The following RAI1 variants were observed in gnomAD, a reference collection of about 807,000 sequenced individuals.
RAI1 encodes retinoic acid-induced protein 1.
A neutral mutation model predicts 123.8 loss-of-function variants in RAI1; 9 were observed. The observed-to-expected ratio is 0.07, with a 90% CI of 0.04 to 0.13. The LOEUF (loss-of-function observed/expected upper bound fraction) is 0.13, where lower values mean the gene tolerates loss of function less well. Ranked by LOEUF, RAI1 falls within the 10% of genes least tolerant of loss-of-function variation. RAI1 has a pLI of 1.00. For missense variants in RAI1, 2,256 were observed against 2,545.8 expected (o/e 0.89, Z 2.45); for synonymous variants, 1,231 against 1,127.3 (o/e 1.09, Z -1.84).
Position 17,799,269 on chromosome 17 carries a change from G to A in RAI1, c.5565+756G>A, listed in dbSNP as rs548678821. 3.3e-5 allele frequency among the ~76,000 whole-genome samples: 5 copies of A among 152,266 alleles called. No homozygotes were observed. The East Asian group carries it at 5.8e-4, about 18-fold the overall frequency. On this transcript the variant is annotated intron_variant, in intron 3 of 5. Coordinates refer to ENST00000353383, the MANE Select transcript of RAI1 (RefSeq NM_030665.4). This position sits in a 1 kb window ranked among gnomAD's most constrained non-coding sequence, Gnocchi z 4.5. ...TGAGGGTGCCCATGGAGGAGGGGTC[G>A]GGAGGGTTAAAAGGTGGGCACCTCT...
intron 1 of RAI1, among the ~76,000 whole-genome samples, chr17:17,704,020 C>T (rs1481873664): frequency 1.3e-5 from 2 of 152,302 alleles, no homozygotes; most frequent in East Asian, 1.9e-4. Flanking sequence ...CAGGGCAGCC[C>T]GGCTCCTCGG....
chr17:17,710,009 C>A (rs943132212), intron 1 of RAI1, among the ~76,000 whole-genome samples: 3 of 152,140 alleles, frequency 2.0e-5, no homozygotes, highest in Non-Finnish European at 4.4e-5. Context: ...CATGGGTGGT[C>A]AACCCTTGGA....
intron 2 of RAI1, among the ~76,000 whole-genome samples, chr17:17,779,965 C>G (rs928911783): frequency 2.0e-5 from 3 of 151,580 alleles, no homozygotes; most frequent in Admixed American, 6.6e-5. Context: ...TTAGTAGAGA[C>G]GGGGTTTCAC....
At chr17:17,807,703 C>T (rs1044347855) in intron 4 of RAI1, among the ~76,000 whole-genome samples, 3 of 152,234 alleles carry the variant, frequency 2.0e-5, no homozygotes, top group Non-Finnish European at 4.4e-5. Context: ...GAAGTGGCGA[C>T]CTCCTACCCT....
chr17:17,689,302 C>A (rs1914761393), intron 1 of RAI1, among the ~76,000 whole-genome samples: 5 of 152,174 alleles, frequency 3.3e-5, no homozygotes, highest in Admixed American at 3.3e-4. Context: ...ACATCTAACC[C>A]TTACCTGTAA....
At chr17:17,694,715 C>T (rs1444190240) in intron 1 of RAI1, among the ~76,000 whole-genome samples, 2 of 150,644 alleles carry the variant, frequency 1.3e-5, no homozygotes, top group Non-Finnish European at 3.0e-5. Flanking sequence ...ACGCCGACGC[C>T]GGGAGGGGGC....
At chr17:17,782,783 C>T (rs2031644332) in intron 2 of RAI1, among the ~76,000 whole-genome samples, 1 of 152,132 alleles carries the variant, frequency 6.6e-6, no homozygotes, top group African/African-American at 2.4e-5. Flanking sequence ...GGTTTCTCCA[C>T]ACCGCCGGCC....
In RAI1 at chr17:17,796,678, C is replaced by CGCAGCAGCA; in HGVS notation, c.3740_3748dup (p.Ser1247_Ser1249dup). 2 of 1,612,180 alleles carry CGCAGCAGCA rather than the reference C, an allele frequency of 1.2e-6. No homozygotes were observed. Among genetic ancestry groups the CGCAGCAGCA allele is most frequent in the Non-Finnish European group, 1.7e-6 (2 of 1,179,140 alleles). ...GAAGCGGAACCTGGTCTTGCGGAGC[C>CGCAGCAGCA]GCAGCAGCAGCAGCAGCAACGCCAG... On this transcript the variant is annotated inframe_insertion, in exon 3 of 6. Coordinates refer to ENST00000353383, the MANE Select transcript of RAI1 (RefSeq NM_030665.4). The surrounding 1 kb of genome is among the most constrained non-coding windows in gnomAD (Gnocchi z 5.8).
At chr17:17,712,219 C>T (rs1198814218) in intron 1 of RAI1, among the ~76,000 whole-genome samples, 1 of 152,150 alleles carries the variant, frequency 6.6e-6, no homozygotes, top group South Asian at 2.1e-4. Flanking sequence ...GCTCTATCAG[C>T]GAATAAAACA....
intron 1 of RAI1, among the ~76,000 whole-genome samples, chr17:17,711,287 C>T (rs902527825): frequency 6.6e-6 from 1 of 152,182 alleles, no homozygotes; most frequent in Non-Finnish European, 1.5e-5. Context: ...CCTGGAGCAC[C>T]CGTCCCCCAT....
intron 2 of RAI1, among the ~76,000 whole-genome samples, chr17:17,780,074 C>CCTTTTTTTTTT (rs1208127612): frequency 1.3e-5 from 1 of 76,944 alleles, no homozygotes; most frequent in African/African-American, 4.8e-5. Flanking sequence ...TCCACCCAGG[C>CCTTTTTTTTTT]TTTTTTTTAA....
chr17:17,804,087 G>A, intron 4 of RAI1: 2 of 601,882 alleles, frequency 3.3e-6, no homozygotes, highest in Non-Finnish European at 6.2e-6. Flanking sequence ...AGCAGTGAGG[G>A]AAGATAGAAG....
intron 2 of RAI1, chr17:17,779,647 A>C (rs955027546): frequency 6.6e-6 from 1 of 152,156 alleles, no homozygotes; most frequent in African/African-American, 2.4e-5. Context: ...CCTCATTATC[A>C]TAATTCTGCA....
chr17:17,796,777 A>G lies in RAI1; in HGVS notation c.3829A>G (p.Lys1277Glu). 6.2e-7 allele frequency: 1 copy of G among 1,612,990 alleles called. No homozygotes were observed. The highest frequency in any genetic ancestry group is 1.7e-5 in the Admixed American group (1 of 60,016). Residue 1277 changes from lysine to glutamate, a missense_variant, in exon 3 of 6, where the codon AAG becomes GAG. Physicochemically the swap from Lys to Glu is moderately conservative, Grantham distance 56. Transcript: ENST00000353383. This position sits in a 1 kb window ranked among gnomAD's most constrained non-coding sequence, Gnocchi z 5.8. ...CCTCTTCAAGAGGATGTCTTCTCCC[A>G]AGAAAGCCAAGCCCACCAAGGGCAA... ...PTLFKRMSSPKKAKPTKGNGE... is the reference protein window; with the variant it reads ...PTLFKRMSSPEKAKPTKGNGE...
At chr17:17,709,738 C>A (rs754129656) in intron 1 of RAI1, among the ~76,000 whole-genome samples, 20 of 152,208 alleles carry the variant, frequency 1.3e-4, no homozygotes, top group Non-Finnish European at 2.4e-4. Context: ...CTGTCTGTGC[C>A]GGGGCCTGGA....
intron 1 of RAI1, among the ~76,000 whole-genome samples, chr17:17,710,244 AAG>A (rs1307987998): frequency 6.6e-6 from 1 of 152,124 alleles, no homozygotes; most frequent in Non-Finnish European, 1.5e-5. Flanking sequence ...GCCACAAAAA[AAG>A]AGCATTTCAA....
At chr17:17,733,136 A>G (rs1333094997) in intron 2 of RAI1, among the ~76,000 whole-genome samples, 1 of 151,888 alleles carries the variant, frequency 6.6e-6, no homozygotes, top group Non-Finnish European at 1.5e-5. Context: ...GGGCCCTGGC[A>G]CTCTGGAGCT....
At chr17:17,785,713 C>G (rs369898860) in intron 2 of RAI1, among the ~76,000 whole-genome samples, 14 of 152,306 alleles carry the variant, frequency 9.2e-5, no homozygotes, top group African/African-American at 3.4e-4. Flanking sequence ...CTGCACGGGT[C>G]TGCCCTGCCT....
In RAI1 at chr17:17,793,478, C is replaced by T. The variant is rs753632651; in HGVS notation, c.530C>T (p.Pro177Leu). Residue 177 changes from proline (P) to leucine (L), a missense_variant, in exon 3 of 6, where the codon CCG becomes CTG. Pro to Leu is a moderately conservative substitution (Grantham distance 98). Around this residue, in one of 7 missense-constraint regions of RAI1, gnomAD observed 336 missense variants for 349.8 expected, o/e 0.96. Transcript: ENST00000353383. ...RTHSLHVQQP[P>L]PPQQPLAYPK... is the part of the protein sequence containing the mutation. ...CACTCCCTGCACGTCCAGCAGCCACCGCCGCCCCAGCAGCCCCTGGCATAC... is the reference window on the plus strand; with the variant it reads ...CACTCCCTGCACGTCCAGCAGCCACTGCCGCCCCAGCAGCCCCTGGCATAC... The T allele has an allele frequency of 1.1e-5, 18 of 1,613,312 alleles. No individual in the cohort carries two copies. The Admixed American group carries it at 1.7e-4, about 15-fold the overall frequency.
Sources: allele counts gnomAD v4.1 joint callset (sites outside exome capture counted in the v4.1 genomes callset), GRCh38; gene constraint gnomAD v4.1.1; regional missense constraint gnomAD v4.1.1; non-coding constraint Gnocchi (gnomAD v3.1); transcripts MANE v1.5; gene names NCBI Gene and HGNC (gene_info 2026-07-23, HGNC 2026-07-21).